The following COL14A1 variants were observed in gnomAD, a reference collection of about 807,000 sequenced individuals.
COL14A1 encodes collagen alpha-1(XIV) chain.
COL14A1 carries 136 observed loss-of-function variants against 230.3 expected under a neutral mutation model. That is an observed-to-expected ratio of 0.59 (90% CI 0.51 to 0.68). The LOEUF (loss-of-function observed/expected upper bound fraction) is 0.68, where lower values mean the gene tolerates loss of function less well. Among genes scored for constraint, COL14A1 ranks in the 30% least tolerant of loss-of-function variants. The pLI, the probability that COL14A1 is intolerant of heterozygous loss-of-function variation, is 0.00. For missense variants in COL14A1, 1,976 were observed against 2,215.8 expected (o/e 0.89, Z 2.17); for synonymous variants, 792 against 784.1 (o/e 1.01, Z -0.17).
At chr8:120,196,293 T>G (rs141509241) in intron 5 of COL14A1, among the ~76,000 whole-genome samples, 188 of 152,354 alleles carry the variant, frequency 1.2e-3, no homozygotes, top group African/African-American at 4.3e-3. Flanking sequence ...GTACCTTTGT[T>G]GGATTAAATA....
chr8:120,239,528 C>T (rs544974685), intron 19 of COL14A1, among the ~76,000 whole-genome samples: 1 of 152,276 alleles, frequency 6.6e-6, no homozygotes, highest in Admixed American at 6.5e-5. Context: ...CCAAGAAGAG[C>T]CACACCTACT....
At chr8:120,175,331 C>T (rs540774506) in intron 5 of COL14A1, among the ~76,000 whole-genome samples, 1 of 152,152 alleles carries the variant, frequency 6.6e-6, no homozygotes, top group Non-Finnish European at 1.5e-5. Context: ...CACAAGAATG[C>T]AGAACCTGAT....
At chr8:120,264,124 C>A (rs1306198805) in intron 24 of COL14A1, among the ~76,000 whole-genome samples, 1 of 152,248 alleles carries the variant, frequency 6.6e-6, no homozygotes, top group South Asian at 2.1e-4. Context: ...AAGTCGATCT[C>A]CTTTCCCACC....
intron 35 of COL14A1, among the ~76,000 whole-genome samples, chr8:120,300,343 C>T (rs1820672072): frequency 6.6e-6 from 1 of 152,048 alleles, no homozygotes; most frequent in East Asian, 1.9e-4. Context: ...CCAAGTTTTC[C>T]TTTATCCTTT....
At chr8:120,284,262 G>T (rs931474655) in intron 32 of COL14A1, among the ~76,000 whole-genome samples, 3 of 152,186 alleles carry the variant, frequency 2.0e-5, no homozygotes, top group South Asian at 2.1e-4. Flanking sequence ...CATGAGACTG[G>T]GTGGGATCAA....
intron 36 of COL14A1, among the ~76,000 whole-genome samples, chr8:120,308,369 A>C (rs1820916721): frequency 1.3e-5 from 2 of 152,250 alleles, no homozygotes; most frequent in Admixed American, 1.3e-4. Context: ...AACTCTTAAC[A>C]TATCCAAGGT....
chr8:120,348,150 T>C (rs925139475), intron 45 of COL14A1, among the ~76,000 whole-genome samples: 1 of 148,814 alleles, frequency 6.7e-6, no homozygotes, highest in Non-Finnish European at 1.5e-5. Flanking sequence ...AATCAATGAG[T>C]GGATAAAGAA....
intron 45 of COL14A1, among the ~76,000 whole-genome samples, chr8:120,362,430 T>C (rs1823251452): frequency 6.6e-6 from 1 of 152,212 alleles, no homozygotes; most frequent in African/African-American, 2.4e-5. Flanking sequence ...TTGTATTCCA[T>C]TCATTCATCC....
chr8:120,162,250 T>C (rs1207139769), intron 3 of COL14A1, among the ~76,000 whole-genome samples, 176 bp from the exon 4 acceptor site: 5 of 152,214 alleles, frequency 3.3e-5, no homozygotes, highest in East Asian at 3.8e-4. Context: ...TCTTGATGTA[T>C]GTAAAAAAAT....
chr8:120,370,120 C>T (rs1823536943), intron 47 of COL14A1, among the ~76,000 whole-genome samples: 1 of 152,126 alleles, frequency 6.6e-6, no homozygotes, highest in South Asian at 2.1e-4. Context: ...GCAATGGCCC[C>T]TTTTCTGACA....
intron 1 of COL14A1, among the ~76,000 whole-genome samples, chr8:120,147,281 A>G (rs1815128558): frequency 6.6e-6 from 1 of 152,138 alleles, no homozygotes. Context: ...AACTATGAGA[A>G]AAAGATGAAA....
At chr8:120,172,955 A>G (rs983102554) in intron 5 of COL14A1, among the ~76,000 whole-genome samples, 5 of 152,356 alleles carry the variant, frequency 3.3e-5, no homozygotes, top group Non-Finnish European at 7.3e-5. Flanking sequence ...TGCAGTAAGT[A>G]AGTAGCTTAT....
chr8:120,244,706 C>G (rs978840807), intron 20 of COL14A1, among the ~76,000 whole-genome samples: 1 of 152,160 alleles, frequency 6.6e-6, no homozygotes, highest in Non-Finnish European at 1.5e-5. Flanking sequence ...GCTGCAAATG[C>G]CATTAATTCA....
At chr8:120,166,004 G>A (rs1815858616) in intron 4 of COL14A1, among the ~76,000 whole-genome samples, 2 of 152,170 alleles carry the variant, frequency 1.3e-5, no homozygotes, top group African/African-American at 4.8e-5. Context: ...TGACTGAGAG[G>A]TGGTCATTGT....
chr8:120,370,951 C>A, intron 47 of COL14A1: 1 of 1,111,218 alleles, frequency 9.0e-7, no homozygotes, highest in Non-Finnish European at 1.2e-6. Flanking sequence ...CTAACAATTT[C>A]TGTAATGTAT....
chr8:120,292,403 G>A (rs757358804), intron 34 of COL14A1, among the ~76,000 whole-genome samples: 1 of 152,080 alleles, frequency 6.6e-6, no homozygotes, highest in Admixed American at 6.6e-5. Context: ...AAAAGTCATA[G>A]CATTTGTTGA....
At chr8:120,331,352 G>C (rs1821857339) in intron 40 of COL14A1, among the ~76,000 whole-genome samples, 1 of 152,142 alleles carries the variant, frequency 6.6e-6, no homozygotes, top group Non-Finnish European at 1.5e-5. Flanking sequence ...GAAATTTTAT[G>C]AATATGATAA....
intron 12 of COL14A1, among the ~76,000 whole-genome samples, chr8:120,210,929 C>G (rs949211821): frequency 2.0e-5 from 3 of 150,422 alleles, no homozygotes; most frequent in African/African-American, 7.3e-5. Flanking sequence ...GAGAGACTTA[C>G]AAATAGTGCT....
At chr8:120,279,050 A>G (rs183295432) in intron 28 of COL14A1, among the ~76,000 whole-genome samples, 1 of 151,958 alleles carries the variant, frequency 6.6e-6, no homozygotes, top group African/African-American at 2.4e-5. Context: ...TAACACAGGA[A>G]CAGAAAACTA....
Sources: allele counts gnomAD v4.1 joint callset (sites outside exome capture counted in the v4.1 genomes callset), GRCh38; gene constraint gnomAD v4.1.1; transcripts MANE v1.5; gene names NCBI Gene and HGNC (gene_info 2026-07-23, HGNC 2026-07-21).